Variants in TTPA observed in about 807,000 individuals in gnomAD.
TTPA encodes alpha-tocopherol transfer protein.
Under a neutral mutation model 25.9 loss-of-function variants are expected in TTPA, and 23 were observed. The ratio of observed to expected loss-of-function variants is 0.89; its 90% confidence interval spans 0.64 to 1.26. TTPA has a LOEUF of 1.26. Ranked by LOEUF, TTPA falls within the 50% of genes most tolerant of loss-of-function variation. TTPA has a pLI of 0.00. For synonymous variants in TTPA, 148 were observed against 137.3 expected, an observed-to-expected ratio of 1.08 and a Z score of -0.54; for missense variants, 337 against 353.1, an observed-to-expected ratio of 0.95 and a Z score of 0.37.
Position 63,072,309 on chromosome 8 carries a change from C to T in TTPA, c.358+626G>A, listed in dbSNP as rs544358339. 5.3e-5 allele frequency among the ~76,000 whole-genome samples: 8 copies of T among 152,320 alleles called. No individual in the cohort carries two copies. The South Asian group carries it at 1.7e-3, about 32-fold the overall frequency. On this transcript the variant is annotated intron_variant, in intron 2 of 4. Coordinates refer to ENST00000260116, the MANE Select transcript of TTPA (RefSeq NM_000370.3). ...ACGGACTCTTGTTCTTTTGCCCAGG[C>T]TGGAGTGCAATGGCGCAATCTTGAC...
intron 1 of TTPA, among the ~76,000 whole-genome samples, chr8:63,082,999 G>A (rs143500705): frequency 0.017 from 2,596 of 152,290 alleles, 79 homozygotes; most frequent in African/African-American, 0.059. Flanking sequence ...AGGTGCTGGA[G>A]AAGATGTGGA....
chr8:63,059,044 T>G (rs1585684405), downstream of TTPA, among the ~76,000 whole-genome samples: 2 of 124,454 alleles, frequency 1.6e-5, no homozygotes, highest in African/African-American at 2.9e-5. Flanking sequence ...TTTTTTTTTT[T>G]TTTTTGAGAC....
Position 63,060,436 on chromosome 8 carries a change from G to C in TTPA, c.*816C>G, listed in dbSNP as rs570386141. ...CTCCTCAGCTGAAAGTTTCTATCAC[G>C]GCCAGGCGCGATGGCTCACGACTGT... On this transcript the variant is annotated 3_prime_UTR_variant, in exon 5 of 5. Transcript: ENST00000260116. 6.6e-6 allele frequency: 1 copy of C among 152,220 alleles called. No individual in the cohort carries two copies. Among genetic ancestry groups the C allele is most frequent in the South Asian group, 2.1e-4 (1 of 4,822 alleles). The allele number at this position is 152,220 out of a possible 1,614,324, so 9.4% of individuals were successfully genotyped here.
intron 1 of TTPA, among the ~76,000 whole-genome samples, chr8:63,082,938 T>TA (rs1486715832): frequency 6.6e-6 from 1 of 152,214 alleles, no homozygotes; most frequent in Non-Finnish European, 1.5e-5. Context: ...CACAATGAGA[T>TA]ACTATCTCAC....
At chr8:63,077,214 A>T (rs888192940) in intron 1 of TTPA, among the ~76,000 whole-genome samples, 1 of 152,254 alleles carries the variant, frequency 6.6e-6, no homozygotes, top group Non-Finnish European at 1.5e-5. Flanking sequence ...GAATAGGAAC[A>T]GCTCCAGTCT....
intron 4 of TTPA, among the ~76,000 whole-genome samples, chr8:63,063,519 T>C (rs1314881584): frequency 1.3e-5 from 2 of 152,190 alleles, no homozygotes; most frequent in Non-Finnish European, 1.5e-5. Context: ...AATAATAAAT[T>C]CATATGGTTA....
chr8:63,078,146 C>T lies in TTPA; in HGVS notation c.205-5058G>A, dbSNP rs191714461. ...CAGACAGGAATAGCGCCAACATCAA[C>T]AAAAAGAACATCCACACCAAAACCC... On this transcript the variant is annotated intron_variant, in intron 1 of 4. Transcript: ENST00000260116. Among the ~76,000 whole-genome samples the T allele has an allele frequency of 2.6e-4, 39 of 152,288 alleles. No homozygotes were observed. In the East Asian group the frequency reaches 5.8e-3, roughly 23 times the overall value.
chr8:63,074,330 A>G (rs898840554), intron 1 of TTPA, among the ~76,000 whole-genome samples: 3 of 152,212 alleles, frequency 2.0e-5, no homozygotes, highest in Non-Finnish European at 4.4e-5. Flanking sequence ...GAGGGAGGAC[A>G]GTGCCATCTG....
chr8:63,085,103 C>CA (rs1805727021), intron 1 of TTPA, among the ~76,000 whole-genome samples: 2 of 152,284 alleles, frequency 1.3e-5, no homozygotes, highest in South Asian at 2.1e-4. Flanking sequence ...TCAATCTTCA[C>CA]AAAAAATCAA....
intron 1 of TTPA, among the ~76,000 whole-genome samples, chr8:63,076,918 T>A (rs1005666057): frequency 1.3e-5 from 2 of 151,682 alleles, no homozygotes; most frequent in Non-Finnish European, 2.9e-5. Context: ...TAAAAACAAA[T>A]CTCAATAGAT....
Position 63,078,935 on chromosome 8 carries a change from G to C in TTPA, c.205-5847C>G, listed in dbSNP as rs193011690. ...GGAAGAAATGTTAAGGGCAGCCAGA[G>C]AGAAAAGTCGGGTTACCCACAAAGG... On this transcript the variant is annotated intron_variant, in intron 1 of 4. Transcript: ENST00000260116. 6.6e-3 allele frequency among the ~76,000 whole-genome samples: 1,009 copies of C among 152,322 alleles called. 5 individuals carry two copies. The highest frequency in any genetic ancestry group is 0.01 in the Non-Finnish European group (698 of 68,026).
chr8:63,061,372 G>A lies in TTPA; in HGVS notation c.717C>T (p.Asp239=), dbSNP rs2129734510. ...CACCACCATATTCCAGAGGAAGAATGTCTGGGAAATGCTGAAGCAAGCTTT... is the reference window on the plus strand; with the variant it reads ...CACCACCATATTCCAGAGGAAGAATATCTGGGAAATGCTGAAGCAAGCTTT... The part of the protein sequence containing the change: ...YKQSLLQHFP[D]ILPLEYGGEE... The change falls in exon 5 of 5, where the codon GAC becomes GAT. Residue 239 remains aspartate, a synonymous_variant. Transcript: ENST00000260116. 6.2e-7 allele frequency: 1 copy of A among 1,613,994 alleles called. No individual in the cohort carries two copies. The highest frequency in any genetic ancestry group is 1.7e-5 in the Admixed American group (1 of 60,020).
intron 2 of TTPA, among the ~76,000 whole-genome samples, chr8:63,067,492 G>C (rs956694143): frequency 3.8e-5 from 5 of 132,770 alleles, no homozygotes; most frequent in African/African-American, 1.4e-4. Context: ...TGCCTAACAG[G>C]ATGAACGAAA....
intron 2 of TTPA, among the ~76,000 whole-genome samples, chr8:63,066,981 G>A (rs6981904): frequency 1.3e-5 from 2 of 151,814 alleles, no homozygotes; most frequent in Non-Finnish European, 2.9e-5. Context: ...TGGCTGAGGT[G>A]GGGGGAGGGG....
At position 63,065,943 on chromosome 8, in the gene TTPA, G is replaced by A. The variant is rs898038340; in HGVS notation, c.513C>T (p.Ile171=). ...CAATCTTCTTGGCTACGGATGGAGT[G>A]ATTTGAAAAGCATGAGAAAACTGCC... ...EGWQFSHAFQ[I]TPSVAKKIAA... is the part of the protein sequence containing the mutation. The change falls in exon 3 of 5, where the codon ATC becomes ATT. Residue 171 remains isoleucine, a synonymous_variant. Coordinates refer to ENST00000260116, the MANE Select transcript of TTPA (RefSeq NM_000370.3). 6.2e-6 allele frequency: 10 copies of A among 1,613,906 alleles called. No individual in the cohort carries two copies. The highest frequency in any genetic ancestry group is 1.3e-5 in the African/African-American group (1 of 74,910).
At chr8:63,061,504 A>G in intron 4 of TTPA, 79 bp from the exon 5 acceptor site, 1 of 1,307,954 alleles carries the variant, frequency 7.6e-7, no homozygotes, top group South Asian at 1.2e-5. Flanking sequence ...AAAACAAGGT[A>G]TTCTAATAAC....
rs34162030 is a variant in TTPA, at chr8:63,073,157, A to C, written c.205-69T>G. 1,488 of 1,293,612 alleles carry C rather than the reference A, an allele frequency of 1.2e-3. 20 individuals are homozygous for C. The African/African-American group carries it at 0.02, about 17-fold the overall frequency. 80.1% of individuals were successfully genotyped at this position (1,293,612 alleles called of 1,614,324 possible). ...AATGATTTTGTAAAAATGGAAGAAA[A>C]GCTTTGGCATTGTGTATAAACTTTG... is the stretch of plus-strand genomic sequence containing the variant. On this transcript the variant is annotated intron_variant, in intron 1 of 4. Transcript: ENST00000260116.
At chr8:63,064,062 T>TTGGG in intron 4 of TTPA, 144 bp downstream of exon 4, 4 of 615,818 alleles carry the variant, frequency 6.5e-6, no homozygotes, top group Non-Finnish European at 1.1e-5. Context: ...TTTTTTTTAG[T>TTGGG]TGGCTTGTTA....
chr8:63,080,583 G>A (rs549754276), intron 1 of TTPA, among the ~76,000 whole-genome samples: 13 of 151,968 alleles, frequency 8.6e-5, no homozygotes, highest in African/African-American at 1.4e-4. Context: ...TTAGCTGGGC[G>A]TGGTGGCGGG....
Sources: allele counts gnomAD v4.1 joint callset (sites outside exome capture counted in the v4.1 genomes callset), GRCh38; gene constraint gnomAD v4.1.1; transcripts MANE v1.5; gene names NCBI Gene and HGNC (gene_info 2026-07-23, HGNC 2026-07-21).